The following GBE1 variants were observed in gnomAD, a reference collection of about 807,000 sequenced individuals.
GBE1 encodes 1,4-alpha-glucan-branching enzyme.
A neutral mutation model predicts 88.8 loss-of-function variants in GBE1; 70 were observed. That is an observed-to-expected ratio of 0.79 (90% CI 0.65 to 0.96). The LOEUF is 0.96. Among genes scored for constraint, GBE1 ranks in the 40% least tolerant of loss-of-function variants. GBE1 has a pLI of 0.00. For missense variants in GBE1, 872 were observed against 871.0 expected (o/e 1.00, Z -0.01); for synonymous variants, 284 against 300.1 (o/e 0.95, Z 0.56).
At chr3:81,715,771 T>C (rs1445933471) in intron 1 of GBE1, among the ~76,000 whole-genome samples, 1 of 152,188 alleles carries the variant, frequency 6.6e-6, no homozygotes, top group Non-Finnish European at 1.5e-5. Context: ...CATTGATGTC[T>C]AGGTGGCTGT....
chr3:81,665,590 G>A (rs922685409), intron 3 of GBE1, among the ~76,000 whole-genome samples: 3 of 150,936 alleles, frequency 2.0e-5, no homozygotes, highest in African/African-American at 7.3e-5. Flanking sequence ...CCTACTGTTA[G>A]CTCTTGTAAA....
intron 1 of GBE1, among the ~76,000 whole-genome samples, chr3:81,755,407 T>G (rs1706588819): frequency 6.6e-6 from 1 of 151,880 alleles, no homozygotes; most frequent in Admixed American, 6.6e-5. Flanking sequence ...AAAAAAACAG[T>G]ATAGAAGTTC....
chr3:81,490,120 A>G lies in GBE1; in HGVS notation c.*287T>C. 3.0e-6 allele frequency: 1 copy of G among 332,070 alleles called. No individual in the cohort carries two copies. The allele number at this position is 332,070 out of a possible 1,614,324, so 20.6% of individuals were successfully genotyped here. On this transcript the variant is annotated 3_prime_UTR_variant, in exon 16 of 16. Coordinates refer to ENST00000429644, the MANE Select transcript of GBE1 (RefSeq NM_000158.4). ...AAAAGGATCAAATAATTAGCCAGGA[A>G]AGCAAAATGTTTTTAACATATTATA...
chr3:81,600,519 C>G (rs1333532086), intron 7 of GBE1, among the ~76,000 whole-genome samples: 1 of 152,022 alleles, frequency 6.6e-6, no homozygotes, highest in Non-Finnish European at 1.5e-5. Flanking sequence ...TGGTGCTTGG[C>G]TCTAATCAGC....
At chr3:81,492,642 TTTC>T (rs1702452069) in intron 15 of GBE1, among the ~76,000 whole-genome samples, 1 of 151,720 alleles carries the variant, frequency 6.6e-6, no homozygotes, top group Non-Finnish European at 1.5e-5. Flanking sequence ...CCTTCCTTCC[TTTC>T]TTTCTTTTTC....
intron 7 of GBE1, among the ~76,000 whole-genome samples, chr3:81,625,455 T>A (rs915438063): frequency 5.3e-5 from 8 of 152,104 alleles, no homozygotes; most frequent in African/African-American, 1.9e-4. Flanking sequence ...CTGTTTTTTT[T>A]TTAGACTGTG....
chr3:81,507,360 C>T (rs1340477026), intron 14 of GBE1, among the ~76,000 whole-genome samples: 4 of 151,990 alleles, frequency 2.6e-5, no homozygotes, highest in East Asian at 1.9e-4. Flanking sequence ...GTCAGGAGAT[C>T]GAGACCATCC....
chr3:81,585,166 T>C (rs1485007911), intron 10 of GBE1, among the ~76,000 whole-genome samples: 1 of 152,258 alleles, frequency 6.6e-6, no homozygotes, highest in Non-Finnish European at 1.5e-5. Flanking sequence ...ATTATAAATG[T>C]AGAAGCAGAA....
chr3:81,625,812 G>A (rs902247717), intron 7 of GBE1, among the ~76,000 whole-genome samples: 1 of 152,082 alleles, frequency 6.6e-6, no homozygotes, highest in African/African-American at 2.4e-5. Context: ...ATGTACAGCT[G>A]ATATCTATTG....
chr3:81,593,890 T>C lies in GBE1; in HGVS notation c.1108+18A>G, dbSNP rs1273777446. On this transcript the variant is annotated intron_variant, in intron 8 of 15. Coordinates refer to ENST00000429644, the MANE Select transcript of GBE1 (RefSeq NM_000158.4). ...CTTCTGCAATTAACCCCAAACCTGATTATATCAGGTTACCTACCCACTCCA... is the reference window on the plus strand; with the variant it reads ...CTTCTGCAATTAACCCCAAACCTGACTATATCAGGTTACCTACCCACTCCA... 2.3e-6 allele frequency: 3 copies of C among 1,316,054 alleles called. No homozygotes were observed. The highest frequency in any genetic ancestry group is 4.1e-5 in the Admixed American group (2 of 48,610). The allele number at this position is 1,316,054 out of a possible 1,614,324, so 81.5% of individuals were successfully genotyped here. A position where few individuals can be genotyped will look rare whatever the true frequency, so the allele number is the denominator to read the frequency against.
chr3:81,741,526 C>T (rs139955460), intron 1 of GBE1, among the ~76,000 whole-genome samples: 109 of 152,152 alleles, frequency 7.2e-4, no homozygotes, highest in African/African-American at 2.5e-3. Context: ...AAAAGAAGTA[C>T]TCTTCCTTTC....
At chr3:81,711,798 G>C (rs537248844) in intron 1 of GBE1, among the ~76,000 whole-genome samples, 1 of 152,048 alleles carries the variant, frequency 6.6e-6, no homozygotes, top group Non-Finnish European at 1.5e-5. Context: ...AGCCGAAATC[G>C]ACAAATGGGA....
At chr3:81,631,982 T>G (rs1163451789) in intron 7 of GBE1, among the ~76,000 whole-genome samples, 2 of 151,982 alleles carry the variant, frequency 1.3e-5, no homozygotes, top group Non-Finnish European at 2.9e-5. Flanking sequence ...CAATAGGCCC[T>G]GGTGTGTGAT....
Position 81,586,103 on chromosome 3 carries a change from T to C in GBE1, c.1324A>G (p.Lys442Glu). 3 of 1,603,558 alleles carry C rather than the reference T, an allele frequency of 1.9e-6. No homozygotes were observed. The highest frequency in any genetic ancestry group is 1.7e-6 in the Non-Finnish European group (2 of 1,173,488). The change falls in exon 10 of 16, where the codon AAG becomes GAG. Residue 442 changes from lysine to glutamate, a missense_variant. By Grantham distance (56) the Lys-to-Glu change is moderately conservative (BLOSUM62 1). Transcript: ENST00000429644. ...DYRLAMAIPD[K>E]WIQLLKEFKD... ...ACATGGACTCTTACCTGAATCCACT[T>C]ATCTGGAATTGCCATGGCTAGTCGA...
At chr3:81,694,303 G>A (rs917276627) in intron 2 of GBE1, among the ~76,000 whole-genome samples, 2 of 152,150 alleles carry the variant, frequency 1.3e-5, no homozygotes, top group Non-Finnish European at 2.9e-5. Flanking sequence ...AATCAAAAAT[G>A]TTTTCTTCCT....
chr3:81,513,338 G>T (rs1702749810), intron 14 of GBE1, among the ~76,000 whole-genome samples: 1 of 151,596 alleles, frequency 6.6e-6, no homozygotes, highest in Non-Finnish European at 1.5e-5. Context: ...ATTTAACAGG[G>T]AACAGAAGAG....
chr3:81,708,854 T>C (rs1705812584), intron 1 of GBE1, among the ~76,000 whole-genome samples: 1 of 152,026 alleles, frequency 6.6e-6, no homozygotes. Context: ...TAGGGCAAAA[T>C]GTGCTGATAT....
intron 12 of GBE1, among the ~76,000 whole-genome samples, chr3:81,544,373 C>T (rs1405521497): frequency 2.0e-5 from 3 of 152,040 alleles, no homozygotes; most frequent in Non-Finnish European, 4.4e-5. Flanking sequence ...CATGATCGTT[C>T]TGCTCATTAA....
intron 9 of GBE1, among the ~76,000 whole-genome samples, chr3:81,587,432 C>T (rs1703816588): frequency 6.6e-6 from 1 of 152,136 alleles, no homozygotes; most frequent in Non-Finnish European, 1.5e-5. Context: ...CCCATCTCTA[C>T]CTTCTCTTTA....
Sources: gnomAD v4.1 joint callset for allele counts (sites outside exome capture counted in the v4.1 genomes callset) on GRCh38, gnomAD v4.1.1 for gene constraint, MANE v1.5 for transcripts, NCBI Gene and HGNC (gene_info 2026-07-23, HGNC 2026-07-21) for gene names.